PRDM15: variants seen among roughly 807,000 people sequenced by gnomAD.
PRDM15 encodes the protein PR/SET domain 15, also known as PR domain zinc finger protein 15.
A neutral mutation model predicts 128.6 loss-of-function variants in PRDM15; 64 were observed. The ratio of observed to expected loss-of-function variants is 0.50; its 90% confidence interval spans 0.41 to 0.61. PRDM15 has a LOEUF of 0.61. Among genes scored for constraint, PRDM15 ranks in the 20% least tolerant of loss-of-function variants. The pLI, the probability that PRDM15 is intolerant of heterozygous loss-of-function variation, is 0.00. For synonymous variants in PRDM15, 615 were observed against 621.8 expected (o/e 0.99, Z 0.16); for missense variants, 1,242 against 1,569.1 (o/e 0.79, Z 3.52).
intron 18 of PRDM15, among the ~76,000 whole-genome samples, chr21:41,817,432 T>G (rs1227257522): frequency 6.6e-6 from 1 of 152,166 alleles, no homozygotes; most frequent in Non-Finnish European, 1.5e-5. Context: ...CACCTGCTGG[T>G]GACAGGCTCT....
chr21:41,833,083 G>A (rs2062751254), intron 11 of PRDM15, among the ~76,000 whole-genome samples: 1 of 152,222 alleles, frequency 6.6e-6, no homozygotes, highest in South Asian at 2.1e-4. Context: ...GAGGGGTGCA[G>A]GGCACCTGGG....
intron 1 of PRDM15, among the ~76,000 whole-genome samples, chr21:41,874,178 A>C (rs986916859): frequency 6.7e-6 from 1 of 148,448 alleles, no homozygotes; most frequent in Non-Finnish European, 1.5e-5. Context: ...AAAGGGCGGG[A>C]GGACTGACTC....
At chr21:41,831,694 T>C (rs916267099) in intron 11 of PRDM15, among the ~76,000 whole-genome samples, 10 of 152,074 alleles carry the variant, frequency 6.6e-5, no homozygotes, top group African/African-American at 2.4e-4. Context: ...GCCCCATGGG[T>C]GCCACCCTCA....
rs1192013398 is a variant in PRDM15, at chr21:41,855,900, T to C, written c.286-1082A>G. Among the ~76,000 whole-genome samples, 7 of 49,396 alleles carry C rather than the reference T, an allele frequency of 1.4e-4. 1 individual carries two copies. Among genetic ancestry groups the C allele is most frequent in the Admixed American group, 9.9e-4 (4 of 4,058 alleles). 32.4% of individuals were successfully genotyped at this position (49,396 alleles called of 152,430 possible). A position where few individuals can be genotyped will look rare whatever the true frequency, so the allele number is the denominator to read the frequency against. On this transcript the variant is annotated intron_variant, in intron 4 of 23. Coordinates refer to ENST00000398548, the MANE Select transcript of PRDM15 (RefSeq NM_001040424.3). ...TAAAACAGCCTTTTCTTTCCTTCCTTCCTTCCTTTCCTTCCCTCCCTCCCT... is the reference window on the plus strand; with the variant it reads ...TAAAACAGCCTTTTCTTTCCTTCCTCCCTTCCTTTCCTTCCCTCCCTCCCT...
At chr21:41,835,944 C>T (rs1483244380) in intron 10 of PRDM15, among the ~76,000 whole-genome samples, 169 bp downstream of exon 10, 2 of 90,686 alleles carry the variant, frequency 2.2e-5, no homozygotes, top group African/African-American at 7.9e-5. Context: ...GGTTTGGCCG[C>T]TCTCCTCCCT....
At chr21:41,805,063 C>T (rs1253957010) in intron 21 of PRDM15, among the ~76,000 whole-genome samples, 1 of 152,222 alleles carries the variant, frequency 6.6e-6, no homozygotes. Flanking sequence ...TACACAAGTG[C>T]TTTCATTTGT....
chr21:41,859,491 C>G lies in PRDM15; in HGVS notation c.131+101G>C, dbSNP rs2063744588. ...GGCTCTCACTCAGAGTGCCTCTGTTCTCCCTCAGGCTCCTTCCTCCCCGTC... is the reference window on the plus strand; with the variant it reads ...GGCTCTCACTCAGAGTGCCTCTGTTGTCCCTCAGGCTCCTTCCTCCCCGTC... On this transcript the variant is annotated intron_variant, in intron 3 of 23. Coordinates refer to ENST00000398548, the MANE Select transcript of PRDM15 (RefSeq NM_001040424.3). This position sits in a 1 kb window ranked among gnomAD's most constrained non-coding sequence, Gnocchi z 5.3. The G allele has an allele frequency of 3.2e-6, 3 of 932,728 alleles. No individual in the cohort carries two copies. The South Asian group carries it at 4.7e-5, about 15-fold the overall frequency. 57.8% of individuals were successfully genotyped at this position (932,728 alleles called of 1,614,324 possible).
In PRDM15 at chr21:41,862,520, A is replaced by G. The variant is rs962092445; in HGVS notation, c.-9-2148T>C. ...AAACCCAGAAGAGAGGGGCGAGGGAAGCTGGAGAGCAGGGTTTTAGCCCCC... is the reference window on the plus strand; with the variant it reads ...AAACCCAGAAGAGAGGGGCGAGGGAGGCTGGAGAGCAGGGTTTTAGCCCCC... On this transcript the variant is annotated intron_variant, in intron 1 of 23. Transcript: ENST00000398548. The surrounding 1 kb of genome is among the most constrained non-coding windows in gnomAD (Gnocchi z 4.1). Among the ~76,000 whole-genome samples, 3 of 152,142 alleles carry G rather than the reference A, an allele frequency of 2.0e-5. No homozygotes were observed. Among genetic ancestry groups the G allele is most frequent in the Admixed American group, 2.0e-4 (3 of 15,278 alleles).
intron 1 of PRDM15, chr21:41,863,240 A>G (rs1275006503): frequency 6.6e-6 from 1 of 151,900 alleles, no homozygotes; most frequent in Admixed American, 6.6e-5. Flanking sequence ...CTTACCTTAC[A>G]TTAGTGATTT....
At chr21:41,856,261 C>CCCTT (rs146658997) in intron 4 of PRDM15, among the ~76,000 whole-genome samples, 11,400 of 27,304 alleles carry the variant, frequency 0.42, 4,252 homozygotes, top group Non-Finnish European at 0.47. Flanking sequence ...TCCCTCCCCT[C>CCCTT]CCTTCCTTCC....
In PRDM15 at chr21:41,828,806, T is replaced by C. The variant is rs1379110419; in HGVS notation, c.1367-473A>G. Reference sequence around the variant, plus strand: ...CCCCTGCCCCCAGGATCCCTGGTGTTGGCCCCTCCCAACTCCTTCCCCGTG... The same window carrying C: ...CCCCTGCCCCCAGGATCCCTGGTGTCGGCCCCTCCCAACTCCTTCCCCGTG... On this transcript the variant is annotated intron_variant, in intron 11 of 23. Coordinates refer to ENST00000398548, the MANE Select transcript of PRDM15 (RefSeq NM_001040424.3). The surrounding 1 kb of genome is among the most constrained non-coding windows in gnomAD (Gnocchi z 5.7). Among the ~76,000 whole-genome samples, 1 of 151,978 alleles carries C rather than the reference T, an allele frequency of 6.6e-6. No homozygotes were observed. The highest frequency in any genetic ancestry group is 1.5e-5 in the Non-Finnish European group (1 of 67,948).
rs1248416167 is a variant in PRDM15, at chr21:41,828,187, G to T, written c.1513C>A (p.His505Asn). Residue 505 changes from histidine (H) to asparagine (N), a missense_variant, in exon 12 of 24, where the codon CAC becomes AAC. Coordinates refer to ENST00000398548, the MANE Select transcript of PRDM15 (RefSeq NM_001040424.3). The surrounding 1 kb of genome is among the most constrained non-coding windows in gnomAD (Gnocchi z 5.7). ...MFYRKDVMLD[H>N]QRRHLEGVRR... ...TCACCTTCCAGGTGCCGGCGCTGGT[G>T]GTCCAGCATGACGTCCTTGCGGTAG... is the stretch of plus-strand genomic sequence containing the variant. The T allele has an allele frequency of 1.2e-6, 2 of 1,613,824 alleles. No individual in the cohort carries two copies. Among genetic ancestry groups the T allele is most frequent in the Non-Finnish European group, 1.7e-6 (2 of 1,179,968 alleles).
intron 21 of PRDM15, among the ~76,000 whole-genome samples, chr21:41,806,714 A>C (rs1446465279): frequency 4.5e-4 from 17 of 38,112 alleles, no homozygotes; most frequent in South Asian, 1.1e-3. Context: ...ACTACCACCA[A>C]CATCACCACC....
intron 1 of PRDM15, chr21:41,878,801 C>A: frequency 8.0e-7 from 1 of 1,255,266 alleles, no homozygotes; most frequent in South Asian, 2.6e-5. Flanking sequence ...CCTGGGGCCT[C>A]GGCGACGACG....
intron 5 of PRDM15, among the ~76,000 whole-genome samples, chr21:41,847,727 G>C (rs368315674): frequency 6.6e-6 from 1 of 152,212 alleles, no homozygotes. Flanking sequence ...CCACTAACCA[G>C]ATGTGGCTCA....
chr21:41,802,974 A>G, intron 22 of PRDM15, 53 bp from the exon 23 acceptor site: 2 of 1,476,942 alleles, frequency 1.4e-6, no homozygotes, highest in South Asian at 1.1e-5. Context: ...CACGTCAGGC[A>G]GCGGCCAGGG....
intron 1 of PRDM15, among the ~76,000 whole-genome samples, chr21:41,866,032 C>A (rs758868463): frequency 2.6e-5 from 4 of 152,162 alleles, no homozygotes; most frequent in African/African-American, 9.7e-5. Flanking sequence ...TGAGACCCCA[C>A]GCCCAGCCTC....
chr21:41,835,609 C>A, intron 10 of PRDM15, 85 bp from the exon 11 acceptor site: 2 of 1,059,718 alleles, frequency 1.9e-6, no homozygotes, highest in East Asian at 2.5e-5. Flanking sequence ...CCGGGCGACT[C>A]CACGCCTGTG....
In PRDM15 at chr21:41,867,262, G is replaced by A. The variant is rs746222005; in HGVS notation, c.-9-6890C>T. The A allele has an allele frequency of 3.3e-6, 5 of 1,521,332 alleles. No individual in the cohort carries two copies. In the East Asian group the frequency reaches 9.1e-5, roughly 28 times the overall value. The allele number at this position is 1,521,332 out of a possible 1,614,324, so 94.2% of individuals were successfully genotyped here. On this transcript the variant is annotated intron_variant, in intron 1 of 23. Coordinates refer to ENST00000398548, the MANE Select transcript of PRDM15 (RefSeq NM_001040424.3). ...GTAGTCAAACTTCGTAACACCAAAA[G>A]GAGTTAAGATGCAACTCCTTTCTAC...
Sources: gnomAD v4.1 joint callset for allele counts (sites outside exome capture counted in the v4.1 genomes callset) on GRCh38, gnomAD v4.1.1 for gene constraint, Gnocchi (gnomAD v3.1) non-coding constraint, MANE v1.5 for transcripts, NCBI Gene and HGNC (gene_info 2026-07-23, HGNC 2026-07-21) for gene names.